SGCD: variants seen among roughly 807,000 people sequenced by gnomAD.
SGCD encodes the protein sarcoglycan delta.
Under a neutral mutation model 36.6 loss-of-function variants are expected in SGCD, and 18 were observed. That is an observed-to-expected ratio of 0.49 (90% confidence interval 0.34 to 0.73). The LOEUF is 0.73. Ranked by LOEUF, SGCD falls within the 30% of genes least tolerant of loss-of-function variation. The pLI is 0.01. For synonymous variants in SGCD, 133 were observed against 130.6 expected, an observed-to-expected ratio of 1.02 and a Z score of -0.12; for missense variants, 387 against 346.7, an observed-to-expected ratio of 1.12 and a Z score of -0.92.
intron 4 of SGCD, among the ~76,000 whole-genome samples, chr5:156,571,513 C>G (rs1232223946): frequency 6.6e-6 from 1 of 152,010 alleles, no homozygotes; most frequent in Non-Finnish European, 1.5e-5. Flanking sequence ...TCTATAGCAC[C>G]CTTTCCTCTC....
chr5:156,084,166 C>G (rs542850113), intron 1 of SGCD, among the ~76,000 whole-genome samples: 2 of 152,274 alleles, frequency 1.3e-5, no homozygotes, highest in South Asian at 4.1e-4. Context: ...TTGCATCAAA[C>G]TTGTAGTTCA....
intron 1 of SGCD, among the ~76,000 whole-genome samples, chr5:155,939,607 T>C (rs1467460233): frequency 6.9e-6 from 1 of 145,380 alleles, no homozygotes; most frequent in Non-Finnish European, 1.5e-5. Context: ...ATTATGCCAC[T>C]GCACTCCAGC....
At chr5:156,189,058 A>C (rs1005475744) in intron 3 of SGCD, among the ~76,000 whole-genome samples, 1 of 152,096 alleles carries the variant, frequency 6.6e-6, no homozygotes, top group Non-Finnish European at 1.5e-5. Flanking sequence ...TTTTCAGTGA[A>C]TCTTCAGAGG....
intron 1 of SGCD, among the ~76,000 whole-genome samples, chr5:156,034,578 T>C (rs1338870274): frequency 2.0e-5 from 3 of 152,236 alleles, no homozygotes; most frequent in African/African-American, 4.8e-5. Flanking sequence ...ATCAATTGTG[T>C]CTTGTGTGAT....
intron 3 of SGCD, among the ~76,000 whole-genome samples, chr5:156,419,069 C>T (rs1773179762): frequency 6.6e-6 from 1 of 152,116 alleles, no homozygotes; most frequent in South Asian, 2.1e-4. Flanking sequence ...AGAAGTATCT[C>T]AAGGCAGGCT....
chr5:156,239,730 A>G (rs1237967928), intron 3 of SGCD, among the ~76,000 whole-genome samples: 1 of 152,178 alleles, frequency 6.6e-6, no homozygotes, highest in Non-Finnish European at 1.5e-5. Flanking sequence ...TGAAGAAAGT[A>G]TTTATTCTCT....
chr5:156,574,037 C>T (rs1481923892), intron 4 of SGCD, among the ~76,000 whole-genome samples: 1 of 152,146 alleles, frequency 6.6e-6, no homozygotes, highest in Admixed American at 6.6e-5. Context: ...CATATTGAGT[C>T]CTCACCCTTT....
chr5:156,206,120 T>C (rs1434932542), intron 3 of SGCD, among the ~76,000 whole-genome samples: 3 of 151,386 alleles, frequency 2.0e-5, no homozygotes, highest in Admixed American at 2.0e-4. Context: ...ATGCATGATA[T>C]ATATTATTTT....
intron 6 of SGCD, among the ~76,000 whole-genome samples, chr5:156,639,306 T>G (rs1762943186): frequency 6.6e-6 from 1 of 152,164 alleles, no homozygotes; most frequent in African/African-American, 2.4e-5. Flanking sequence ...AGTATCATAT[T>G]CCTCTTCACA....
chr5:155,807,194 C>T, the SGCD span, among the ~76,000 whole-genome samples: 1 of 152,190 alleles, frequency 6.6e-6, no homozygotes, highest in Non-Finnish European at 1.5e-5. Flanking sequence ...TATCACTTGC[C>T]TACTAGTTCT....
At chr5:156,735,565 C>T (rs2113033881) in intron 7 of SGCD, among the ~76,000 whole-genome samples, 1 of 152,110 alleles carries the variant, frequency 6.6e-6, no homozygotes, top group Admixed American at 6.5e-5. Flanking sequence ...AGGGGGTATC[C>T]CTTCTGCCCC....
chr5:156,484,549 GTATCTTAATTA>G (rs1254013749), intron 3 of SGCD, among the ~76,000 whole-genome samples: 1 of 152,166 alleles, frequency 6.6e-6, no homozygotes, highest in Admixed American at 6.5e-5. Context: ...CCCTAAGCTA[GTATCTTAATTA>G]TATAATTGCT....
intron 4 of SGCD, among the ~76,000 whole-genome samples, chr5:156,569,637 T>C (rs1339553097): frequency 2.0e-5 from 3 of 151,512 alleles, no homozygotes; most frequent in African/African-American, 7.3e-5. Context: ...ATCAGACTTA[T>C]AATAAAATTC....
At chr5:156,497,550 C>T (rs1394313134) in intron 3 of SGCD, among the ~76,000 whole-genome samples, 1 of 151,868 alleles carries the variant, frequency 6.6e-6, no homozygotes, top group Non-Finnish European at 1.5e-5. Flanking sequence ...AGTTTTGATC[C>T]ACTGAGGCAG....
intron 3 of SGCD, among the ~76,000 whole-genome samples, chr5:156,394,196 G>A (rs1235327842): frequency 1.3e-5 from 2 of 152,120 alleles, no homozygotes; most frequent in South Asian, 4.2e-4. Flanking sequence ...GCTTTGTTTG[G>A]GGGGTGGTGG....
intron 1 of SGCD, among the ~76,000 whole-genome samples, chr5:156,034,754 C>T (rs1018306338): frequency 5.3e-5 from 8 of 152,120 alleles, no homozygotes; most frequent in Admixed American, 5.2e-4. Flanking sequence ...TGTGTCTCAC[C>T]CACTAGATTT....
intron 1 of SGCD, among the ~76,000 whole-genome samples, chr5:155,870,605 T>C (rs1483756893): frequency 6.6e-6 from 1 of 152,204 alleles, no homozygotes; most frequent in East Asian, 1.9e-4. Flanking sequence ...GAATCAAAGA[T>C]TTTAATATTC....
the SGCD span, among the ~76,000 whole-genome samples, chr5:155,738,210 G>A: frequency 6.6e-6 from 1 of 152,070 alleles, no homozygotes; most frequent in African/African-American, 2.4e-5. Context: ...CTTGAACTGG[G>A]GGCAGAATTT....
At chr5:156,745,974 G>T (rs1756921393) in intron 7 of SGCD, among the ~76,000 whole-genome samples, 1 of 151,470 alleles carries the variant, frequency 6.6e-6, no homozygotes, top group South Asian at 2.1e-4. Context: ...CATATCAGGT[G>T]AGTATTATCC....
Sources: allele counts gnomAD v4.1 joint callset (sites outside exome capture counted in the v4.1 genomes callset), GRCh38; gene constraint gnomAD v4.1.1; transcripts MANE v1.5; gene names NCBI Gene and HGNC (gene_info 2026-07-23, HGNC 2026-07-21).